Variants in VGF observed in about 807,000 individuals in gnomAD.
VGF encodes the protein neurosecretory protein VGF.
In VGF, 13 loss-of-function variants were observed where a neutral mutation model predicts 41.1. The ratio of observed to expected loss-of-function variants is 0.32; its 90% CI spans 0.21 to 0.50. The LOEUF (loss-of-function observed/expected upper bound fraction) is 0.50, where lower values mean the gene tolerates loss of function less well. VGF is among the 20% of genes least tolerant of loss of function. The pLI is 0.98. For missense variants in VGF, 920 were observed against 882.1 expected (o/e 1.04, Z -0.54); for synonymous variants, 473 against 418.3 (o/e 1.13, Z -1.60).
At position 101,164,394 on chromosome 7, in the gene VGF, G is replaced by C; in HGVS notation, c.450C>G (p.Ser150Arg). Residue 150 changes from serine (S) to arginine (R), a missense_variant, in exon 2 of 2, where the codon AGC becomes AGG. Physicochemically the swap from Ser to Arg is moderately radical, Grantham distance 110 (BLOSUM62 -1). This residue lies in a region of VGF where 654 missense variants were observed against 638.4 expected (regional missense o/e 1.02). Coordinates refer to ENST00000249330, the MANE Select transcript of VGF (RefSeq NM_003378.4). Reference protein sequence around the residue: ...PQTPENGPEASDPSEELEALA... With the variant: ...PQTPENGPEARDPSEELEALA... ...GCGCCTCGAGCTCCTCGGAGGGATC[G>C]CTCGCCTCGGGCCCATTCTCCGGAG... 6.2e-7 allele frequency: 1 copy of C among 1,611,022 alleles called. No homozygotes were observed. The highest frequency in any genetic ancestry group is 1.1e-5 in the South Asian group (1 of 91,068).
At position 101,163,071 on chromosome 7, in the gene VGF, C is replaced by T. The variant is rs563180010; in HGVS notation, c.1773G>A (p.Glu591=). The change falls in exon 2 of 2, where the codon GAG becomes GAA. Residue 591 remains glutamate (E), a synonymous_variant. Transcript: ENST00000249330. The surrounding 1 kb of genome is among the most constrained non-coding windows in gnomAD (Gnocchi z 5.0). ...AQARRAQEEA[E]AEERRLQEQE... is the part of the protein sequence containing the mutation. ...GCTCCTGCAGCCGGCGCTCCTCCGC[C>T]TCCGCCTCCTCCTGCGCGCGCCGCG... The T allele has an allele frequency of 1.3e-4, 211 of 1,574,644 alleles. 4 individuals carry two copies. In the South Asian group the frequency reaches 2.2e-3, roughly 17 times the overall value.
upstream of VGF, among the ~76,000 whole-genome samples, chr7:101,166,341 A>G (rs2116712241): frequency 6.6e-6 from 1 of 152,232 alleles, no homozygotes; most frequent in African/African-American, 2.4e-5. Context: ...TCTGGAGAAA[A>G]AGGTGTGTCT....
At chr7:101,167,966 G>A (rs1415405827), upstream of VGF, among the ~76,000 whole-genome samples, 1 of 151,080 alleles carries the variant, frequency 6.6e-6, no homozygotes, top group Non-Finnish European at 1.5e-5. This position sits in a 1 kb window ranked among gnomAD's most constrained non-coding sequence, Gnocchi z 4.2. Flanking sequence ...TTTGCTTCCA[G>A]GTGTGGGTGT....
rs752297762 is a variant in VGF at position 101,165,436 on chromosome 7, A to G, written c.-83T>C. Reference sequence around the variant, plus strand: ...CGGGGCAGGGTGGGGACAGGGGAAGATCGGGACGCGTCCGCCTCGGCTCCG... The same window carrying G: ...CGGGGCAGGGTGGGGACAGGGGAAGGTCGGGACGCGTCCGCCTCGGCTCCG... On this transcript the variant is annotated 5_prime_UTR_variant, in exon 1 of 2. Transcript: ENST00000249330. The G allele has an allele frequency of 1.0e-3, 1,017 of 985,248 alleles. No individual in the cohort carries two copies. The highest frequency in any genetic ancestry group is 1.2e-3 in the Non-Finnish European group (982 of 829,944). The allele number at this position is 985,248 out of a possible 1,614,324, so 61.0% of individuals were successfully genotyped here.
chr7:101,163,950 C>T lies in VGF; in HGVS notation c.894G>A (p.Gln298=), dbSNP rs1797167125. 5 of 1,457,832 alleles carry T rather than the reference C, an allele frequency of 3.4e-6. No homozygotes were observed. The highest frequency in any genetic ancestry group is 2.9e-5 in the Admixed American group (1 of 35,076). 90.3% of individuals were successfully genotyped at this position (1,457,832 alleles called of 1,614,324 possible). A position where few individuals can be genotyped will look rare whatever the true frequency, so the allele number is the denominator to read the frequency against. ...GGSEAGERLL[Q]QGLAQVEAGR... is the part of the protein sequence containing the mutation. ...CGGCCTCCACCTGCGCCAGCCCTTGCTGGAGAAGGCGCTCGCCCGCCTCGG... is the reference window on the plus strand; with the variant it reads ...CGGCCTCCACCTGCGCCAGCCCTTGTTGGAGAAGGCGCTCGCCCGCCTCGG... The change falls in exon 2 of 2, where the codon CAG becomes CAA. Residue 298 remains glutamine (Q), a synonymous_variant. Coordinates refer to ENST00000249330, the MANE Select transcript of VGF (RefSeq NM_003378.4). The surrounding 1 kb of genome is among the most constrained non-coding windows in gnomAD (Gnocchi z 5.0).
chr7:101,165,206 G>A (rs995577139), intron 1 of VGF, 168 bp downstream of exon 1: 3 of 1,014,066 alleles, frequency 3.0e-6, no homozygotes, highest in Non-Finnish European at 3.5e-6. Flanking sequence ...TGGTGCGTGG[G>A]CGACTTCAGC....
In VGF at chr7:101,165,043, G is replaced by T. The variant is rs912210206; in HGVS notation, c.-20-180C>A. ...AGATGTTGTGCCGATCTCTGGAGCC[G>T]TGTAAATGGGAAAATAACCCCCGAA... On this transcript the variant is annotated intron_variant, in intron 1 of 1. Transcript: ENST00000249330. 7 of 1,290,192 alleles carry T rather than the reference G, an allele frequency of 5.4e-6. No individual in the cohort carries two copies. The African/African-American group carries it at 9.1e-5, about 17-fold the overall frequency. The allele number at this position is 1,290,192 out of a possible 1,614,324, so 79.9% of individuals were successfully genotyped here.
chr7:101,162,678 G>A lies in VGF; in HGVS notation c.*318C>T. The A allele has an allele frequency of 2.1e-6, 1 of 481,096 alleles. No homozygotes were observed. The highest frequency in any genetic ancestry group is 4.0e-6 in the Non-Finnish European group (1 of 250,862). The allele number at this position is 481,096 out of a possible 1,614,324, so 29.8% of individuals were successfully genotyped here. On this transcript the variant is annotated 3_prime_UTR_variant, in exon 2 of 2. Transcript: ENST00000249330. This position sits in a 1 kb window ranked among gnomAD's most constrained non-coding sequence, Gnocchi z 4.2. ...CAGACACACTTCACACAATTAACTGGAACTGCTTTTTCCGGTTTCCGACGG... is the reference window on the plus strand; with the variant it reads ...CAGACACACTTCACACAATTAACTGAAACTGCTTTTTCCGGTTTCCGACGG...
chr7:101,166,830 G>A (rs1232963618), upstream of VGF, among the ~76,000 whole-genome samples: 1 of 145,444 alleles, frequency 6.9e-6, no homozygotes, highest in Non-Finnish European at 1.5e-5. Flanking sequence ...GGTGGCAAGG[G>A]GGGCAGCCAC....
At position 101,164,193 on chromosome 7, in the gene VGF, G is replaced by T. The variant is rs1249111107; in HGVS notation, c.651C>A (p.Val217=). ...GGGGCGGCAGGGGCGCGCGCTCCGG[G>T]ACACGCGCCTGGAACTCTCCCCAGG... is the stretch of plus-strand genomic sequence containing the variant. ...RASWGEFQAR[V]PERAPLPPPA... Residue 217 remains valine (V), a synonymous_variant, in exon 2 of 2, where the codon GTC becomes GTA. Coordinates refer to ENST00000249330, the MANE Select transcript of VGF (RefSeq NM_003378.4). 1.3e-6 allele frequency: 2 copies of T among 1,529,500 alleles called. No individual in the cohort carries two copies. Among genetic ancestry groups the T allele is most frequent in the Non-Finnish European group, 1.7e-6 (2 of 1,143,110 alleles). The allele number at this position is 1,529,500 out of a possible 1,614,324, so 94.7% of individuals were successfully genotyped here.
chr7:101,163,899 C>T lies in VGF; in HGVS notation c.945G>A (p.Arg315=). The T allele has an allele frequency of 1.4e-6, 2 of 1,475,088 alleles. No homozygotes were observed. The highest frequency in any genetic ancestry group is 2.7e-5 in the East Asian group (1 of 36,526). 91.4% of individuals were successfully genotyped at this position (1,475,088 alleles called of 1,614,324 possible). A position where few individuals can be genotyped will look rare whatever the true frequency, so the allele number is the denominator to read the frequency against. Residue 315 remains arginine, a synonymous_variant, in exon 2 of 2, where the codon CGG becomes CGA. Coordinates refer to ENST00000249330, the MANE Select transcript of VGF (RefSeq NM_003378.4). This position sits in a 1 kb window ranked among gnomAD's most constrained non-coding sequence, Gnocchi z 5.0. ...GCCGCTCTTCCTGCGCCGCGGCCTG[C>T]CGCGTGGCCTCCGCCTGCCGCCGCC... is the stretch of plus-strand genomic sequence containing the variant. ...EAGRRQAEAT[R]QAAAQEERLA... is the part of the protein sequence containing the mutation.
At position 101,163,051 on chromosome 7, in the gene VGF, T is replaced by A; in HGVS notation, c.1793A>T (p.Gln598Leu). Residue 598 changes from glutamine to leucine, a missense_variant, in exon 2 of 2, where the codon CAG becomes CTG. This residue lies in a region of VGF where 257 missense variants were observed against 217.2 expected (regional missense o/e 1.18). Coordinates refer to ENST00000249330, the MANE Select transcript of VGF (RefSeq NM_003378.4). The surrounding 1 kb of genome is among the most constrained non-coding windows in gnomAD (Gnocchi z 5.0). ...EEAEAEERRL[Q>L]EQEELENYIE... ...GTAATTCTCCAGCTCCTCCTGCTCC[T>A]GCAGCCGGCGCTCCTCCGCCTCCGC... 6.4e-7 allele frequency: 1 copy of A among 1,571,248 alleles called. No homozygotes were observed. Among genetic ancestry groups the A allele is most frequent in the Non-Finnish European group, 8.6e-7 (1 of 1,163,542 alleles).
upstream of VGF, among the ~76,000 whole-genome samples, chr7:101,168,324 C>G (rs560201885): frequency 6.6e-6 from 1 of 152,106 alleles, no homozygotes; most frequent in Non-Finnish European, 1.5e-5. Context: ...CAATCTGGGT[C>G]TTGACTCTGT....
In VGF at chr7:101,164,020, G is replaced by T; in HGVS notation, c.824C>A (p.Pro275Gln). 1 of 1,477,936 alleles carries T rather than the reference G, an allele frequency of 6.8e-7. No individual in the cohort carries two copies. Among genetic ancestry groups the T allele is most frequent in the Admixed American group, 2.5e-5 (1 of 39,236 alleles). 91.6% of individuals were successfully genotyped at this position (1,477,936 alleles called of 1,614,324 possible). ...CTCCGGCCGGCGCGCCTTGGGGAAC[G>T]GGGCGGCCACGCCTTGGTACGCCTT... ...LSKAYQGVAA[P>Q]FPKARRPESA... The change falls in exon 2 of 2, where the codon CCG becomes CAG. Residue 275 changes from proline (P) to glutamine (Q), a missense_variant. Pro to Gln is a moderately conservative substitution (Grantham distance 76). This residue lies in a region of VGF where 654 missense variants were observed against 638.4 expected (regional missense o/e 1.02). Transcript: ENST00000249330.
chr7:101,168,123 G>A (rs1797249478), upstream of VGF, among the ~76,000 whole-genome samples: 1 of 151,542 alleles, frequency 6.6e-6, no homozygotes, highest in African/African-American at 2.4e-5. Context: ...AGTGTGCCTG[G>A]CTTGGTGGTA....
chr7:101,165,568 C>G lies in VGF; in HGVS notation c.-215G>C, dbSNP rs1054916583. 3.0e-6 allele frequency: 3 copies of G among 985,298 alleles called. No homozygotes were observed. In the South Asian group the frequency reaches 1.4e-4, roughly 46 times the overall value. The allele number at this position is 985,298 out of a possible 1,614,324, so 61.0% of individuals were successfully genotyped here. A position where few individuals can be genotyped will look rare whatever the true frequency, so the allele number is the denominator to read the frequency against. ...GCTAGCTCGCTCCGGCTTCAGCACG[C>G]TGGACAGCGCCCGCGCCTCCACCGC... On this transcript the variant is annotated 5_prime_UTR_variant, in exon 1 of 2. Coordinates refer to ENST00000249330, the MANE Select transcript of VGF (RefSeq NM_003378.4).
Position 101,163,187 on chromosome 7 carries a change from G to A in VGF, c.1657C>T (p.Arg553Trp). ...AAGGCCGAGGGCGGCTGCAGTGTCC[G>A]CGGCCGGATGTAGTTGGGGAAAGGG... is the stretch of plus-strand genomic sequence containing the variant. ...YHPFPNYIRP[R>W]TLQPPSALRR... is the part of the protein sequence containing the mutation. Residue 553 changes from arginine to tryptophan, a missense_variant, in exon 2 of 2, where the codon CGG becomes TGG. Arg to Trp is a moderately radical substitution (Grantham distance 101). Coordinates refer to ENST00000249330, the MANE Select transcript of VGF (RefSeq NM_003378.4). The surrounding 1 kb of genome is among the most constrained non-coding windows in gnomAD (Gnocchi z 5.0). 1 of 1,546,874 alleles carries A rather than the reference G, an allele frequency of 6.5e-7. No individual in the cohort carries two copies. The highest frequency in any genetic ancestry group is 2.4e-5 in the East Asian group (1 of 41,114).
upstream of VGF, among the ~76,000 whole-genome samples, chr7:101,169,780 G>C (rs1797278115): frequency 6.6e-6 from 1 of 152,162 alleles, no homozygotes; most frequent in Non-Finnish European, 1.5e-5. Flanking sequence ...AAAACCACTT[G>C]AGGTACCTGA....
At chr7:101,168,940 G>A (rs944529303), upstream of VGF, among the ~76,000 whole-genome samples, 2 of 152,126 alleles carry the variant, frequency 1.3e-5, no homozygotes, top group African/African-American at 4.8e-5. Context: ...AGGGGAAGGG[G>A]TCTCCACTTT....
Sources: gnomAD v4.1 joint callset for allele counts (sites outside exome capture counted in the v4.1 genomes callset) on GRCh38, gnomAD v4.1.1 for gene constraint, gnomAD v4.1.1 regional missense constraint, Gnocchi (gnomAD v3.1) non-coding constraint, MANE v1.5 for transcripts, NCBI Gene and HGNC (gene_info 2026-07-23, HGNC 2026-07-21) for gene names.